MICU2: variants seen among roughly 807,000 people sequenced by gnomAD.
MICU2 encodes mitochondrial calcium uptake 2.
In MICU2, 64 loss-of-function variants were observed where a neutral mutation model predicts 60.4. The observed-to-expected ratio is 1.06, with a 90% CI of 0.87 to 1.31. The LOEUF (loss-of-function observed/expected upper bound fraction) is 1.31, where lower values mean the gene tolerates loss of function less well. Among genes scored for constraint, MICU2 ranks in the 50% most tolerant of loss-of-function variants. MICU2 has a pLI of 0.00. For synonymous variants in MICU2, 201 were observed against 175.0 expected (o/e 1.15, Z -1.17); for missense variants, 569 against 531.0 (o/e 1.07, Z -0.70).
intron 8 of MICU2, among the ~76,000 whole-genome samples, chr13:21,503,924 T>C (rs1886237120): frequency 6.6e-6 from 1 of 152,214 alleles, no homozygotes; most frequent in Admixed American, 6.5e-5. Context: ...CATGGGGTGA[T>C]AGAAGAGGGA....
At chr13:21,559,655 G>C (rs893743707) in intron 2 of MICU2, among the ~76,000 whole-genome samples, 3 of 151,888 alleles carry the variant, frequency 2.0e-5, no homozygotes, top group Admixed American at 6.6e-5. Flanking sequence ...CTCCTGAGTA[G>C]CTGGGACTAC....
At chr13:21,496,392 C>T in intron 9 of MICU2, 2 of 433,946 alleles carry the variant, frequency 4.6e-6, no homozygotes, top group Non-Finnish European at 4.1e-6. Context: ...AGAAACTGGC[C>T]CTGCTGGTGC....
At chr13:21,564,629 G>C (rs1887930930) in intron 2 of MICU2, among the ~76,000 whole-genome samples, 1 of 152,146 alleles carries the variant, frequency 6.6e-6, no homozygotes, top group African/African-American at 2.4e-5. Context: ...AAGAAGGCCA[G>C]AGGGGGATAG....
intron 1 of MICU2, among the ~76,000 whole-genome samples, chr13:21,576,372 T>C (rs1316937130): frequency 6.6e-6 from 1 of 152,104 alleles, no homozygotes; most frequent in East Asian, 1.9e-4. Flanking sequence ...GCAAAAAGAC[T>C]TCCTGGAAAC....
chr13:21,504,723 T>C (rs141137964), intron 8 of MICU2, among the ~76,000 whole-genome samples: 1 of 152,332 alleles, frequency 6.6e-6, no homozygotes, highest in African/African-American at 2.4e-5. Context: ...CTTATTGGAA[T>C]TGTTTAGGCA....
At chr13:21,569,563 C>G (rs1888059808) in intron 1 of MICU2, among the ~76,000 whole-genome samples, 1 of 151,988 alleles carries the variant, frequency 6.6e-6, no homozygotes, top group South Asian at 2.1e-4. Flanking sequence ...GAAGAAAACA[C>G]TGAATTGAGC....
intron 6 of MICU2, among the ~76,000 whole-genome samples, 189 bp from the exon 7 acceptor site, chr13:21,514,607 T>C (rs1437851674): frequency 1.3e-5 from 2 of 151,980 alleles, no homozygotes; most frequent in South Asian, 4.2e-4. Flanking sequence ...AATCTCGGCT[T>C]ACTGCAAGTT....
chr13:21,604,115 C>T lies in MICU2; in HGVS notation c.34G>A (p.Ala12Thr), dbSNP rs768670361. ...AAAAGSCARVAAWGGKLRRGL... is the reference protein window; with the variant it reads ...AAAAGSCARVTAWGGKLRRGL... ...CGTCGCAGTTTTCCGCCCCAGGCCG[C>T]CACCCGCGCGCAGCTACCCGCAGCC... The change falls in exon 1 of 12, where the codon GCG becomes ACG. Residue 12 changes from alanine to threonine, a missense_variant. Ala to Thr is a moderately conservative substitution (Grantham distance 58). Transcript: ENST00000382374. 7.6e-6 allele frequency: 12 copies of T among 1,579,434 alleles called. No individual in the cohort carries two copies. The highest frequency in any genetic ancestry group is 1.0e-5 in the Non-Finnish European group (12 of 1,165,002).
chr13:21,553,655 A>C (rs145031574), intron 2 of MICU2, among the ~76,000 whole-genome samples: 52,963 of 151,150 alleles, frequency 0.35, 9,456 homozygotes, highest in Non-Finnish European at 0.41. Context: ...CTAACATCAT[A>C]ATGACAGGAT....
At chr13:21,496,411 T>TG (rs1693470017) in intron 9 of MICU2, 1 of 433,224 alleles carries the variant, frequency 2.3e-6, no homozygotes, top group African/African-American at 2.0e-5. Context: ...GCCTTGATCT[T>TG]GGACTCCTGG....
chr13:21,498,369 C>CTTTTTTTTTTT (rs34890922), intron 9 of MICU2, among the ~76,000 whole-genome samples: 2 of 78,544 alleles, frequency 2.5e-5, no homozygotes, highest in African/African-American at 1.1e-4. Flanking sequence ...ATATCCTATT[C>CTTTTTTTTTTT]TTTTTTTTTT....
chr13:21,508,503 G>C (rs1319049785), intron 8 of MICU2, among the ~76,000 whole-genome samples: 2 of 152,158 alleles, frequency 1.3e-5, no homozygotes, highest in African/African-American at 4.8e-5. Flanking sequence ...CTGCCAGAGT[G>C]ATGGGCACAT....
intron 1 of MICU2, among the ~76,000 whole-genome samples, chr13:21,601,134 A>C (rs958981358): frequency 6.6e-6 from 1 of 152,218 alleles, no homozygotes. Flanking sequence ...CGTCAGGAAG[A>C]GTTTACCAAC....
intron 2 of MICU2, among the ~76,000 whole-genome samples, chr13:21,560,639 C>T (rs947067346): frequency 6.6e-6 from 1 of 152,184 alleles, no homozygotes; most frequent in Admixed American, 6.5e-5. Context: ...CACACACACA[C>T]ACACACGTGT....
intron 1 of MICU2, among the ~76,000 whole-genome samples, chr13:21,579,688 T>C (rs1214796980): frequency 1.3e-5 from 2 of 152,194 alleles, no homozygotes; most frequent in East Asian, 1.9e-4. Context: ...GAGCAAATCA[T>C]TGAAGATCTA....
rs760771373 is a variant in MICU2, at chr13:21,566,824, A to G, written c.331T>C (p.Phe111Leu). The change falls in exon 2 of 12, where the codon TTC becomes CTC. Residue 111 changes from phenylalanine to leucine, a missense_variant. Physicochemically the swap from Phe to Leu is conservative, Grantham distance 22. Transcript: ENST00000382374. ...EYYMTPRDFL[F>L]SVMFEQMERK... ...TCCATTTGCTCAAACATCACTGAGAAGAGGAAGTCTCGTGGTGTCATATAA... is the reference window on the plus strand; with the variant it reads ...TCCATTTGCTCAAACATCACTGAGAGGAGGAAGTCTCGTGGTGTCATATAA... The G allele has an allele frequency of 1.2e-6, 2 of 1,602,742 alleles. No homozygotes were observed. Among genetic ancestry groups the G allele is most frequent in the Admixed American group, 1.7e-5 (1 of 57,992 alleles).
chr13:21,597,302 C>T (rs1478925025), intron 1 of MICU2, among the ~76,000 whole-genome samples: 3 of 151,760 alleles, frequency 2.0e-5, no homozygotes, highest in African/African-American at 7.3e-5. Context: ...AGAGCGAAGT[C>T]TCTTATTTAC....
chr13:21,593,413 AAT>A (rs1888625528), intron 1 of MICU2, among the ~76,000 whole-genome samples: 1 of 152,048 alleles, frequency 6.6e-6, no homozygotes, highest in Non-Finnish European at 1.5e-5. Flanking sequence ...AGGAAGAATC[AAT>A]ATTGTAAAAA....
At chr13:21,601,102 AT>A (rs1888805247) in intron 1 of MICU2, among the ~76,000 whole-genome samples, 1 of 151,802 alleles carries the variant, frequency 6.6e-6, no homozygotes. Flanking sequence ...GGCCGGACAT[AT>A]TCACTATTAT....
Sources: allele counts gnomAD v4.1 joint callset (sites outside exome capture counted in the v4.1 genomes callset), GRCh38; gene constraint gnomAD v4.1.1; transcripts MANE v1.5; gene names NCBI Gene and HGNC (gene_info 2026-07-23, HGNC 2026-07-21).